CFDP1: variants seen among roughly 807,000 people sequenced by gnomAD.
CFDP1 encodes the protein heterochromatin-stabilizing protein CFDP1.
Under a neutral mutation model 40.1 loss-of-function variants are expected in CFDP1, and 31 were observed. That is an observed-to-expected ratio of 0.77 (90% CI 0.58 to 1.04). The LOEUF is 1.04. CFDP1 is among the 50% of genes least tolerant of loss of function. CFDP1 has a pLI of 0.00. For synonymous variants in CFDP1, 167 were observed against 120.0 expected, an observed-to-expected ratio of 1.39 and a Z score of -2.56; for missense variants, 423 against 343.4, an observed-to-expected ratio of 1.23 and a Z score of -1.83.
chr16:75,321,503 C>T (rs1483588049), intron 5 of CFDP1, among the ~76,000 whole-genome samples: 1 of 152,192 alleles, frequency 6.6e-6, no homozygotes, highest in Non-Finnish European at 1.5e-5. Flanking sequence ...ACCTATCTCT[C>T]AGGTAATACT....
At chr16:75,383,383 C>G (rs1230543848) in intron 5 of CFDP1, among the ~76,000 whole-genome samples, 1 of 152,180 alleles carries the variant, frequency 6.6e-6, no homozygotes, top group Non-Finnish European at 1.5e-5. Flanking sequence ...TTTTTAAGAA[C>G]TTTAATCAGA....
At chr16:75,384,418 A>C (rs1597371263) in intron 5 of CFDP1, among the ~76,000 whole-genome samples, 1 of 152,336 alleles carries the variant, frequency 6.6e-6, no homozygotes, top group Admixed American at 6.5e-5. Flanking sequence ...CCAGCAGGTT[A>C]TAAAGATACA....
chr16:75,349,682 A>ATATATATATATATATATAT lies in CFDP1; in HGVS notation c.651-44501_651-44500insATATATATATATATATATA, dbSNP rs60815655. Among the ~76,000 whole-genome samples the ATATATATATATATATATAT allele has an allele frequency of 3.7e-3, 27 of 7,388 alleles. 1 individual carries two copies. The highest frequency in any genetic ancestry group is 5.7e-3 in the Non-Finnish European group (21 of 3,714). The allele number at this position is 7,388 out of a possible 152,430, so 4.8% of individuals were successfully genotyped here. A position where few individuals can be genotyped will look rare whatever the true frequency, so the allele number is the denominator to read the frequency against. ...AAAAAAAAAAAAAAAAAAAAAAAAA[A>ATATATATATATATATATAT]AAAAAAAAATATATATACATACATA... On this transcript the variant is annotated intron_variant, in intron 5 of 6. Coordinates refer to ENST00000283882, the MANE Select transcript of CFDP1 (RefSeq NM_006324.3).
intron 5 of CFDP1, among the ~76,000 whole-genome samples, chr16:75,374,446 G>C (rs969913698): frequency 3.3e-5 from 5 of 151,978 alleles, no homozygotes; most frequent in African/African-American, 9.7e-5. Context: ...GAACAGAAAA[G>C]TATCTCATAC....
At chr16:75,338,708 T>C (rs1382423183) in intron 5 of CFDP1, among the ~76,000 whole-genome samples, 1 of 152,162 alleles carries the variant, frequency 6.6e-6, no homozygotes, top group African/African-American at 2.4e-5. Context: ...CCCTTGATAA[T>C]TCTATAAAAT....
At chr16:75,395,277 A>T in intron 4 of CFDP1, 68 bp from the exon 5 acceptor site, 2 of 1,524,136 alleles carry the variant, frequency 1.3e-6, no homozygotes, top group Non-Finnish European at 1.8e-6. Flanking sequence ...TAGAAAAGGG[A>T]ATAAAGACAA....
intron 1 of CFDP1, among the ~76,000 whole-genome samples, chr16:75,416,733 G>A (rs1165271683): frequency 6.6e-6 from 1 of 152,118 alleles, no homozygotes; most frequent in Non-Finnish European, 1.5e-5. Flanking sequence ...GGGTAACAGA[G>A]CAAGACCCTG....
chr16:75,301,791 G>C (rs2078223744), intron 6 of CFDP1: 1 of 152,174 alleles, frequency 6.6e-6, no homozygotes, highest in African/African-American at 2.4e-5. Flanking sequence ...GCTCTGTACA[G>C]AGGTGGTCAC....
chr16:75,324,936 G>C (rs907950036), intron 5 of CFDP1: 10 of 152,034 alleles, frequency 6.6e-5, no homozygotes, highest in African/African-American at 2.4e-4. Context: ...CTTTAATTTA[G>C]AACAGTCCCC....
At chr16:75,357,968 G>A (rs2078656543) in intron 5 of CFDP1, among the ~76,000 whole-genome samples, 1 of 151,994 alleles carries the variant, frequency 6.6e-6, no homozygotes, top group Non-Finnish European at 1.5e-5. Context: ...CCTTTTACTT[G>A]AACACTTAGA....
intron 1 of CFDP1, among the ~76,000 whole-genome samples, chr16:75,426,768 A>T (rs1010189509): frequency 1.3e-5 from 2 of 152,212 alleles, no homozygotes; most frequent in African/African-American, 4.8e-5. Context: ...AGTATGTGAC[A>T]AAGGAGCCGG....
At chr16:75,433,200 A>C (rs2079446463) in intron 1 of CFDP1, 89 bp downstream of exon 1, 1 of 1,316,876 alleles carries the variant, frequency 7.6e-7, no homozygotes, top group South Asian at 1.3e-5. Context: ...CACCTGGGCC[A>C]CAGGGCAGAC....
intron 5 of CFDP1, among the ~76,000 whole-genome samples, chr16:75,314,366 A>T (rs1412477109): frequency 1.3e-5 from 2 of 152,196 alleles, no homozygotes. Context: ...AGAAGCCAGG[A>T]ACAAAGGACC....
chr16:75,296,456 C>T (rs1002902937), intron 6 of CFDP1, among the ~76,000 whole-genome samples: 1 of 135,916 alleles, frequency 7.4e-6, no homozygotes, highest in African/African-American at 2.6e-5. Flanking sequence ...ATGCTGGTCT[C>T]GAACTCCTGG....
Position 75,371,294 on chromosome 16 carries a change from T to C in CFDP1, c.650+23796A>G, listed in dbSNP as rs368643200. ...ACTGCCAAAAGTCCCCTAGGACAAA[T>C]ACAAGTTAAAACATTTTAAGTAATG... is the stretch of plus-strand genomic sequence containing the variant. On this transcript the variant is annotated intron_variant, in intron 5 of 6. Coordinates refer to ENST00000283882, the MANE Select transcript of CFDP1 (RefSeq NM_006324.3). 1.4e-4 allele frequency among the ~76,000 whole-genome samples: 21 copies of C among 152,286 alleles called. 3 individuals carry two copies. The highest frequency in any genetic ancestry group is 6.5e-4 in the Admixed American group (10 of 15,282).
Position 75,426,145 on chromosome 16 carries a change from G to A in CFDP1, c.64+7144C>T, listed in dbSNP as rs550054574. ...GTGGGCGGATCACCTGAGGTTGGGAGTTCAAGACCAGCCTGACCAACATGG... is the reference window on the plus strand; with the variant it reads ...GTGGGCGGATCACCTGAGGTTGGGAATTCAAGACCAGCCTGACCAACATGG... On this transcript the variant is annotated intron_variant, in intron 1 of 6. Transcript: ENST00000283882. 3.4e-3 allele frequency among the ~76,000 whole-genome samples: 509 copies of A among 150,580 alleles called. 4 individuals are homozygous for A. The highest frequency in any genetic ancestry group is 0.011 in the African/African-American group (438 of 40,936).
At chr16:75,385,170 T>C (rs948224415) in intron 5 of CFDP1, among the ~76,000 whole-genome samples, 22 of 152,212 alleles carry the variant, frequency 1.4e-4, no homozygotes, top group African/African-American at 5.1e-4. Context: ...ATTCACATTC[T>C]TGATTCAAAG....
At position 75,394,657 on chromosome 16, in the gene CFDP1, G is replaced by GTTTTTTTTTTTTTTTTTTTT. The variant is rs1567670026; in HGVS notation, c.650+432_650+433insAAAAAAAAAAAAAAAAAAAA. On this transcript the variant is annotated intron_variant, in intron 5 of 6. Transcript: ENST00000283882. ...AAGAAAGCTACAACTAATTTTCTTC[G>GTTTTTTTTTTTTTTTTTTTT]CTTTTTTTTTTTTTTTTTTTTTTTA... is the stretch of plus-strand genomic sequence containing the variant. 1.2e-4 allele frequency: 7 copies of GTTTTTTTTTTTTTTTTTTTT among 58,568 alleles called. 3 individuals are homozygous for GTTTTTTTTTTTTTTTTTTTT. Among genetic ancestry groups the GTTTTTTTTTTTTTTTTTTTT allele is most frequent in the Non-Finnish European group, 2.0e-4 (5 of 24,602 alleles). The allele number at this position is 58,568 out of a possible 1,614,324, so 3.6% of individuals were successfully genotyped here. A position where few individuals can be genotyped will look rare whatever the true frequency, so the allele number is the denominator to read the frequency against.
At chr16:75,314,352 C>T (rs1401529479) in intron 5 of CFDP1, among the ~76,000 whole-genome samples, 2 of 151,980 alleles carry the variant, frequency 1.3e-5, no homozygotes, top group African/African-American at 2.4e-5. Context: ...TTACGTTAAG[C>T]GAGAGAAGCC....
Sources: gnomAD v4.1 joint callset for allele counts (sites outside exome capture counted in the v4.1 genomes callset) on GRCh38, gnomAD v4.1.1 for gene constraint, MANE v1.5 for transcripts, NCBI Gene and HGNC (gene_info 2026-07-23, HGNC 2026-07-21) for gene names.